PLXNA4: variants seen among roughly 807,000 people sequenced by gnomAD.
PLXNA4 encodes plexin A4, also known as plexin-A4.
A neutral mutation model predicts 191.8 loss-of-function variants in PLXNA4; 44 were observed. The observed-to-expected ratio is 0.23, with a 90% CI of 0.18 to 0.29. The LOEUF is 0.29. Ranked by LOEUF, PLXNA4 falls within the 10% of genes least tolerant of loss-of-function variation. The pLI, the probability that PLXNA4 is intolerant of heterozygous loss-of-function variation, is 1.00. For missense variants in PLXNA4, 1,800 were observed against 2,488.8 expected (o/e 0.72, Z 5.89); for synonymous variants, 1,082 against 1,009.5 (o/e 1.07, Z -1.36).
intron 3 of PLXNA4, among the ~76,000 whole-genome samples, chr7:132,350,193 C>T (rs1426735144): frequency 6.6e-6 from 1 of 152,086 alleles, no homozygotes; most frequent in East Asian, 1.9e-4. Flanking sequence ...ACTTGCAGAC[C>T]AGTTCAGATC....
At chr7:132,433,042 T>C (rs2117204334) in intron 3 of PLXNA4, among the ~76,000 whole-genome samples, 1 of 152,346 alleles carries the variant, frequency 6.6e-6, no homozygotes, top group Middle Eastern at 3.4e-3. Context: ...GGTTTCTGTC[T>C]AGTTCCGGTT....
At chr7:132,141,276 C>T (rs1795261151) in intron 29 of PLXNA4, among the ~76,000 whole-genome samples, 1 of 152,146 alleles carries the variant, frequency 6.6e-6, no homozygotes, top group Admixed American at 6.5e-5. Context: ...TATGACTTGG[C>T]AGAAGTCACA....
chr7:132,556,053 A>G (rs1484428626), intron 1 of PLXNA4, among the ~76,000 whole-genome samples: 1 of 152,180 alleles, frequency 6.6e-6, no homozygotes, highest in East Asian at 1.9e-4. Flanking sequence ...TCATCTCTCA[A>G]AGGATGCTGT....
chr7:132,575,713 A>G (rs946443402), intron 1 of PLXNA4, among the ~76,000 whole-genome samples: 2 of 152,198 alleles, frequency 1.3e-5, no homozygotes, highest in East Asian at 1.9e-4. Context: ...GACAAGCAAC[A>G]TACGCGGCGA....
intron 3 of PLXNA4, among the ~76,000 whole-genome samples, chr7:132,328,121 T>C (rs1269893547): frequency 2.0e-5 from 3 of 152,204 alleles, no homozygotes; most frequent in Non-Finnish European, 4.4e-5. Flanking sequence ...ACCCTGCTAA[T>C]GGGGACTGAG....
At chr7:132,195,181 G>T (rs200199631) in intron 13 of PLXNA4, among the ~76,000 whole-genome samples, 9 of 98,974 alleles carry the variant, frequency 9.1e-5, no homozygotes, top group East Asian at 2.5e-4. Context: ...AGATATATGT[G>T]TTTTTTTAAA....
chr7:132,277,820 C>T (rs544638053), intron 4 of PLXNA4, among the ~76,000 whole-genome samples: 1 of 152,282 alleles, frequency 6.6e-6, no homozygotes, highest in African/African-American at 2.4e-5. Context: ...TTAGACTTTG[C>T]AGAGGCCATA....
At chr7:132,227,331 C>A in intron 7 of PLXNA4, 120 bp downstream of exon 7, 4 of 1,356,778 alleles carry the variant, frequency 2.9e-6, no homozygotes, top group Non-Finnish European at 4.1e-6. Flanking sequence ...CCATCCCATG[C>A]CCCTTCCTCT....
intron 20 of PLXNA4, among the ~76,000 whole-genome samples, chr7:132,176,702 A>T (rs1796475495): frequency 6.8e-6 from 1 of 147,124 alleles, no homozygotes; most frequent in African/African-American, 2.5e-5. Context: ...GAGTGCATGG[A>T]TGTGAATGAA....
At chr7:132,397,886 CT>C (rs1793827826) in intron 3 of PLXNA4, among the ~76,000 whole-genome samples, 1 of 152,234 alleles carries the variant, frequency 6.6e-6, no homozygotes, top group South Asian at 2.1e-4. Context: ...AGTCACACAG[CT>C]GCTTAGCAAC....
At chr7:132,460,346 C>T (rs1796461461) in intron 3 of PLXNA4, among the ~76,000 whole-genome samples, 1 of 150,476 alleles carries the variant, frequency 6.6e-6, no homozygotes, top group Non-Finnish European at 1.5e-5. Context: ...GCCTGGGTGA[C>T]AGACTGAGAC....
chr7:132,553,019 C>T (rs964719552), intron 1 of PLXNA4, among the ~76,000 whole-genome samples: 1 of 152,120 alleles, frequency 6.6e-6, no homozygotes, highest in Non-Finnish European at 1.5e-5. Context: ...CTATGGGCTC[C>T]CATGCCATGA....
chr7:132,248,204 C>T (rs1398390136), intron 4 of PLXNA4, among the ~76,000 whole-genome samples: 1 of 152,204 alleles, frequency 6.6e-6, no homozygotes, highest in Non-Finnish European at 1.5e-5. Context: ...TCCTCTTCAG[C>T]CTGGGCCCCA....
At chr7:132,266,604 T>C (rs1481602034) in intron 4 of PLXNA4, among the ~76,000 whole-genome samples, 1 of 152,224 alleles carries the variant, frequency 6.6e-6, no homozygotes, top group Non-Finnish European at 1.5e-5. Flanking sequence ...AGCTGCACTT[T>C]AGGAATTAGG....
At chr7:132,256,738 T>C (rs1236604954) in intron 4 of PLXNA4, among the ~76,000 whole-genome samples, 3 of 152,212 alleles carry the variant, frequency 2.0e-5, no homozygotes, top group African/African-American at 4.8e-5. Flanking sequence ...CTCCACTCAT[T>C]CCCCAACCCA....
At chr7:132,323,283 G>T (rs1003240156) in intron 3 of PLXNA4, among the ~76,000 whole-genome samples, 3 of 152,230 alleles carry the variant, frequency 2.0e-5, no homozygotes, top group South Asian at 2.1e-4. Context: ...GAAACCGAAG[G>T]ATTGAGAGAC....
chr7:132,407,352 C>G (rs1460485622), intron 3 of PLXNA4, among the ~76,000 whole-genome samples: 1 of 152,168 alleles, frequency 6.6e-6, no homozygotes, highest in Non-Finnish European at 1.5e-5. Context: ...AGGTGTGTGG[C>G]ACCCATTTTC....
intron 19 of PLXNA4, 127 bp downstream of exon 19, chr7:132,180,459 G>T (rs1796667199): frequency 7.1e-7 from 1 of 1,406,318 alleles, no homozygotes; most frequent in African/African-American, 1.4e-5. Flanking sequence ...AGAACTTGGG[G>T]TGTGGGGTAG....
At chr7:132,490,576 C>T (rs1197475943) in intron 2 of PLXNA4, among the ~76,000 whole-genome samples, 1 of 151,932 alleles carries the variant, frequency 6.6e-6, no homozygotes, top group Non-Finnish European at 1.5e-5. Context: ...CAAGCATGTG[C>T]CACCATGCCT....
Sources: allele counts gnomAD v4.1 joint callset (sites outside exome capture counted in the v4.1 genomes callset), GRCh38; gene constraint gnomAD v4.1.1; transcripts MANE v1.5; gene names NCBI Gene and HGNC (gene_info 2026-07-23, HGNC 2026-07-21).